The following AGBL4 variants were observed in gnomAD, a reference collection of about 807,000 sequenced individuals.
The protein encoded by AGBL4 is AGBL carboxypeptidase 4.
Under a neutral mutation model 66.4 loss-of-function variants are expected in AGBL4, and 58 were observed. That is an observed-to-expected ratio of 0.87 (90% CI 0.71 to 1.09). The LOEUF is 1.09. AGBL4 is among the 50% of genes least tolerant of loss of function. AGBL4 has a pLI of 0.00. For missense variants in AGBL4, 579 were observed against 631.0 expected (o/e 0.92, Z 0.88); for synonymous variants, 234 against 222.9 (o/e 1.05, Z -0.44).
intron 6 of AGBL4, among the ~76,000 whole-genome samples, chr1:48,774,996 T>C (rs2148705405): frequency 6.6e-6 from 1 of 152,346 alleles, no homozygotes; most frequent in Non-Finnish European, 1.5e-5. Flanking sequence ...AAAGGGAAGC[T>C]AAGGTTACAA....
At chr1:48,768,648 T>G (rs1449241217) in intron 6 of AGBL4, among the ~76,000 whole-genome samples, 1 of 152,218 alleles carries the variant, frequency 6.6e-6, no homozygotes, top group Non-Finnish European at 1.5e-5. Flanking sequence ...AACTTCCATT[T>G]GACATATAAT....
In AGBL4 at chr1:48,714,674, A is replaced by G. The variant is rs369709273; in HGVS notation, c.635-51433T>C. Among the ~76,000 whole-genome samples, 10 of 152,286 alleles carry G rather than the reference A, an allele frequency of 6.6e-5. No individual in the cohort carries two copies. In the East Asian group the frequency reaches 1.9e-3, roughly 29 times the overall value. On this transcript the variant is annotated intron_variant, in intron 6 of 13. Coordinates refer to ENST00000371839, the MANE Select transcript of AGBL4 (RefSeq NM_032785.4). The stretch of plus-strand genomic sequence containing the variant: ...TCTGACCATGCCGCTTCCTGGCTCA[A>G]CACTCTTCAATGACTCCTTGTTGCC...
intron 5 of AGBL4, among the ~76,000 whole-genome samples, chr1:49,011,191 A>G (rs1349531847): frequency 6.6e-6 from 1 of 151,992 alleles, no homozygotes; most frequent in Non-Finnish European, 1.5e-5. Flanking sequence ...CAAGAAAAAA[A>G]CAAACAACCC....
intron 11 of AGBL4, among the ~76,000 whole-genome samples, chr1:48,557,917 T>A (rs539191723): frequency 1.9e-5 from 2 of 103,030 alleles, no homozygotes; most frequent in African/African-American, 6.4e-5. Context: ...CCCATTAGAT[T>A]GTGAGCTCTT....
intron 4 of AGBL4, among the ~76,000 whole-genome samples, chr1:49,118,436 A>G (rs867377596): frequency 6.6e-6 from 1 of 152,182 alleles, no homozygotes; most frequent in South Asian, 2.1e-4. Flanking sequence ...AGTGCTGTTG[A>G]ATTTTGTCAA....
intron 6 of AGBL4, among the ~76,000 whole-genome samples, chr1:48,829,259 C>A (rs1646496896): frequency 6.6e-6 from 1 of 152,204 alleles, no homozygotes; most frequent in Non-Finnish European, 1.5e-5. Flanking sequence ...AGAACTATAC[C>A]AGGATCGCAT....
At chr1:49,205,563 C>T (rs920806885) in intron 4 of AGBL4, among the ~76,000 whole-genome samples, 3 of 151,978 alleles carry the variant, frequency 2.0e-5, no homozygotes, top group Non-Finnish European at 4.4e-5. Flanking sequence ...AGGTAAGCTT[C>T]CTGTTTAAAA....
chr1:48,774,669 T>C (rs943991643), intron 6 of AGBL4, among the ~76,000 whole-genome samples: 3 of 152,224 alleles, frequency 2.0e-5, no homozygotes, highest in Admixed American at 2.0e-4. Context: ...TCAAAATTCA[T>C]GGTTCTCAAA....
At chr1:49,135,057 C>G (rs952563922) in intron 4 of AGBL4, among the ~76,000 whole-genome samples, 2 of 151,466 alleles carry the variant, frequency 1.3e-5, no homozygotes, top group Non-Finnish European at 2.9e-5. Context: ...TATTAATATT[C>G]CTTACTGGGG....
chr1:49,425,763 G>C (rs1300838906), intron 3 of AGBL4, among the ~76,000 whole-genome samples: 1 of 152,198 alleles, frequency 6.6e-6, no homozygotes, highest in Non-Finnish European at 1.5e-5. Context: ...GGGTGAGGGG[G>C]TGAGAGGAGA....
chr1:48,923,285 A>C (rs1654249513), intron 5 of AGBL4, among the ~76,000 whole-genome samples: 1 of 152,126 alleles, frequency 6.6e-6, no homozygotes, highest in Non-Finnish European at 1.5e-5. Context: ...TCTCCTTCTA[A>C]ATTGAGAACT....
intron 6 of AGBL4, among the ~76,000 whole-genome samples, chr1:48,694,877 A>T (rs1646691073): frequency 6.6e-6 from 1 of 152,090 alleles, no homozygotes; most frequent in Non-Finnish European, 1.5e-5. Flanking sequence ...AGCCTCTTGC[A>T]CACACCTCTG....
intron 1 of AGBL4, among the ~76,000 whole-genome samples, chr1:50,016,520 C>T (rs1661996585): frequency 6.6e-6 from 1 of 152,108 alleles, no homozygotes. Context: ...AAAGATTGTG[C>T]CACTGTACTC....
chr1:49,230,627 A>G (rs1160041790), intron 4 of AGBL4, among the ~76,000 whole-genome samples: 1 of 152,202 alleles, frequency 6.6e-6, no homozygotes, highest in Non-Finnish European at 1.5e-5. Context: ...TGCACTAAAG[A>G]ACTCTATCCA....
intron 1 of AGBL4, among the ~76,000 whole-genome samples, chr1:49,947,579 C>T (rs1268849062): frequency 1.3e-5 from 2 of 151,612 alleles, no homozygotes; most frequent in Non-Finnish European, 2.9e-5. Context: ...AAATCCACAG[C>T]CAACATTATA....
At chr1:49,063,228 T>C (rs886932092) in intron 4 of AGBL4, among the ~76,000 whole-genome samples, 2 of 152,180 alleles carry the variant, frequency 1.3e-5, no homozygotes, top group South Asian at 2.1e-4. Context: ...CACACTTTTA[T>C]AGAGATAGAG....
chr1:48,698,760 A>C (rs1169816492), intron 6 of AGBL4, among the ~76,000 whole-genome samples: 1 of 152,224 alleles, frequency 6.6e-6, no homozygotes, highest in Non-Finnish European at 1.5e-5. Flanking sequence ...TTACATGTAC[A>C]CCATCATTTC....
intron 8 of AGBL4, among the ~76,000 whole-genome samples, chr1:48,642,759 G>A (rs1026449906): frequency 1.1e-4 from 17 of 152,138 alleles, no homozygotes; most frequent in African/African-American, 4.1e-4. Context: ...CTTGAGGCTA[G>A]GAATTCACCA....
intron 5 of AGBL4, among the ~76,000 whole-genome samples, chr1:49,033,822 CT>C (rs79769191): frequency 2.4e-3 from 341 of 140,842 alleles, no homozygotes; most frequent in Middle Eastern, 3.7e-3. Flanking sequence ...TTTTCCTTTT[CT>C]TTTTTTTTTT....
Sources: allele counts gnomAD v4.1 joint callset (sites outside exome capture counted in the v4.1 genomes callset), GRCh38; gene constraint gnomAD v4.1.1; transcripts MANE v1.5; gene names NCBI Gene and HGNC (gene_info 2026-07-23, HGNC 2026-07-21).